The following RNF38 variants were observed in gnomAD, a reference collection of about 807,000 sequenced individuals.
RNF38 encodes the protein E3 ubiquitin-protein ligase RNF38.
A neutral mutation model predicts 67.2 loss-of-function variants in RNF38; 15 were observed. The ratio of observed to expected loss-of-function variants is 0.22; its 90% CI spans 0.15 to 0.34. RNF38 has a LOEUF of 0.34. RNF38 is among the 10% of genes least tolerant of loss of function. The pLI is 1.00. For missense variants in RNF38, 524 were observed against 639.9 expected, an observed-to-expected ratio of 0.82 and a Z score of 1.95; for synonymous variants, 220 against 218.8, an observed-to-expected ratio of 1.01 and a Z score of -0.05.
chr9:36,481,332 C>T (rs552138092), intron 1 of RNF38, among the ~76,000 whole-genome samples: 2 of 152,176 alleles, frequency 1.3e-5, no homozygotes, highest in Admixed American at 6.6e-5. Context: ...CTTTTGATAG[C>T]GTAACTATTG....
At chr9:36,395,048 T>C (rs1255681509) in intron 1 of RNF38, among the ~76,000 whole-genome samples, 1 of 152,210 alleles carries the variant, frequency 6.6e-6, no homozygotes, top group Non-Finnish European at 1.5e-5. Flanking sequence ...TATAATCATA[T>C]GACTAATTCA....
chr9:36,372,969 G>T (rs999260835), intron 3 of RNF38, among the ~76,000 whole-genome samples: 2 of 152,194 alleles, frequency 1.3e-5, no homozygotes, highest in African/African-American at 4.8e-5. Flanking sequence ...ACTTTGGGAG[G>T]CCGAGGTGGA....
At chr9:36,445,955 C>T (rs1234499742) in intron 1 of RNF38, among the ~76,000 whole-genome samples, 1 of 152,150 alleles carries the variant, frequency 6.6e-6, no homozygotes, top group Admixed American at 6.5e-5. Flanking sequence ...CACTTAGTCC[C>T]TGAGTTGTTT....
intron 1 of RNF38, among the ~76,000 whole-genome samples, chr9:36,469,713 C>A (rs929060462): frequency 6.6e-5 from 10 of 152,080 alleles, no homozygotes; most frequent in African/African-American, 2.4e-4. Context: ...CGGTGGCTCA[C>A]ACCTGTAATC....
chr9:36,452,939 A>G (rs7875966), intron 1 of RNF38, among the ~76,000 whole-genome samples: 1,696 of 152,352 alleles, frequency 0.011, 28 homozygotes, highest in African/African-American at 0.039. Flanking sequence ...TTCAGCTATA[A>G]TGAATAATGA....
intron 8 of RNF38, among the ~76,000 whole-genome samples, chr9:36,351,620 A>C (rs754127369): frequency 1.2e-4 from 19 of 152,224 alleles, no homozygotes; most frequent in Non-Finnish European, 1.5e-4. Context: ...TTAAGATAGA[A>C]AGATAAATAG....
At position 36,400,219 on chromosome 9, in the gene RNF38, C is replaced by A. The variant is rs1201975774; in HGVS notation, c.-111G>T. ...CAACCCTGAAAGGAAGAACTTGCAT[C>A]CCCTGAGAACAAAACGCAGCCTATC... On this transcript the variant is annotated 5_prime_UTR_variant, in exon 1 of 12. Coordinates refer to ENST00000259605, the MANE Select transcript of RNF38 (RefSeq NM_022781.5). 3 of 1,487,636 alleles carry A rather than the reference C, an allele frequency of 2.0e-6. No individual in the cohort carries two copies. In the African/African-American group the frequency reaches 4.2e-5, roughly 21 times the overall value. The allele number at this position is 1,487,636 out of a possible 1,614,324, so 92.2% of individuals were successfully genotyped here.
intron 3 of RNF38, among the ~76,000 whole-genome samples, chr9:36,374,674 G>A (rs1835655586): frequency 6.6e-6 from 1 of 152,190 alleles, no homozygotes; most frequent in African/African-American, 2.4e-5. Context: ...CATCTTAGTA[G>A]AGACGAGGCT....
chr9:36,401,958 G>A (rs961713104), upstream of RNF38, among the ~76,000 whole-genome samples: 15 of 152,144 alleles, frequency 9.9e-5, no homozygotes, highest in Admixed American at 6.5e-5. Context: ...GGGGAAATCA[G>A]AGTAAATGTT....
chr9:36,381,848 G>GT (rs1164138687), intron 2 of RNF38, among the ~76,000 whole-genome samples: 1 of 152,168 alleles, frequency 6.6e-6, no homozygotes, highest in Non-Finnish European at 1.5e-5. Context: ...TCCTGAGACT[G>GT]TTTCCCAGAC....
intron 1 of RNF38, among the ~76,000 whole-genome samples, chr9:36,481,849 C>T (rs1484558407): frequency 6.6e-6 from 1 of 152,090 alleles, no homozygotes; most frequent in Non-Finnish European, 1.5e-5. Context: ...TAAACAACCA[C>T]TTAATGGAAA....
At chr9:36,426,179 A>G (rs1838766672) in intron 1 of RNF38, among the ~76,000 whole-genome samples, 1 of 152,238 alleles carries the variant, frequency 6.6e-6, no homozygotes, top group Non-Finnish European at 1.5e-5. Context: ...CTTGTTTTAA[A>G]CAAAATTAGA....
intron 11 of RNF38, among the ~76,000 whole-genome samples, chr9:36,340,383 T>C (rs1832750833): frequency 1.3e-5 from 2 of 152,338 alleles, no homozygotes; most frequent in East Asian, 1.9e-4. Context: ...GCTTGGTTAG[T>C]CTTTTTTTCC....
chr9:36,485,311 TAC>T (rs139781648), intron 1 of RNF38, among the ~76,000 whole-genome samples: 1 of 151,966 alleles, frequency 6.6e-6, no homozygotes, highest in Non-Finnish European at 1.5e-5. Flanking sequence ...AGGGTATATA[TAC>T]ACACACACAC....
intron 3 of RNF38, among the ~76,000 whole-genome samples, chr9:36,372,253 TTAAG>T (rs1251343690): frequency 6.6e-5 from 10 of 152,278 alleles, no homozygotes; most frequent in African/African-American, 2.2e-4. Flanking sequence ...TTTCTATTTA[TTAAG>T]TTTTACCAGC....
intron 1 of RNF38, among the ~76,000 whole-genome samples, chr9:36,462,381 T>C (rs781095896): frequency 6.6e-6 from 1 of 152,034 alleles, no homozygotes; most frequent in Non-Finnish European, 1.5e-5. Flanking sequence ...ATCCTTACCC[T>C]CCTACAACCC....
At chr9:36,436,145 T>C (rs1839061098) in intron 1 of RNF38, among the ~76,000 whole-genome samples, 2 of 152,250 alleles carry the variant, frequency 1.3e-5, no homozygotes, top group Admixed American at 6.5e-5. Context: ...AACAAGTTTA[T>C]AGATAAATCT....
At chr9:36,425,681 T>A (rs1054092004) in intron 1 of RNF38, among the ~76,000 whole-genome samples, 1 of 151,752 alleles carries the variant, frequency 6.6e-6, no homozygotes, top group Non-Finnish European at 1.5e-5. Flanking sequence ...CCTGCATGAG[T>A]GAGACCCTGT....
At chr9:36,483,105 G>A (rs765628347) in intron 1 of RNF38, among the ~76,000 whole-genome samples, 3 of 152,006 alleles carry the variant, frequency 2.0e-5, no homozygotes, top group East Asian at 3.9e-4. Context: ...GAAGTGTACC[G>A]GCCAGGCACG....
Sources: gnomAD v4.1 joint callset for allele counts (sites outside exome capture counted in the v4.1 genomes callset) on GRCh38, gnomAD v4.1.1 for gene constraint, MANE v1.5 for transcripts, NCBI Gene and HGNC (gene_info 2026-07-23, HGNC 2026-07-21) for gene names.